The following NLGN1 variants were observed in gnomAD, a reference collection of about 807,000 sequenced individuals.
NLGN1 encodes the protein neuroligin 1.
Under a neutral mutation model 65.5 loss-of-function variants are expected in NLGN1, and 12 were observed. The ratio of observed to expected loss-of-function variants is 0.18; its 90% CI spans 0.12 to 0.30. The LOEUF (loss-of-function observed/expected upper bound fraction) is 0.30. Ranked by LOEUF, NLGN1 falls within the 10% of genes least tolerant of loss-of-function variation. The probability of loss-of-function intolerance (pLI) is 1.00; values close to 1 mark genes in which losing one functional copy is unlikely to be tolerated. For missense variants in NLGN1, 750 were observed against 1,007.1 expected (o/e 0.74, Z 3.46); for synonymous variants, 350 against 359.5 (o/e 0.97, Z 0.30).
At chr3:174,005,696 A>C (rs2152433289) in intron 4 of NLGN1, among the ~76,000 whole-genome samples, 1 of 150,526 alleles carries the variant, frequency 6.6e-6, no homozygotes, top group African/African-American at 2.4e-5. Context: ...CCTTAATTGA[A>C]CTTTTTTTTT....
At chr3:173,722,408 A>G (rs938006230) in intron 3 of NLGN1, among the ~76,000 whole-genome samples, 1 of 151,780 alleles carries the variant, frequency 6.6e-6, no homozygotes, top group Admixed American at 6.6e-5. Flanking sequence ...ACGCCCGACT[A>G]ATTTTTGTAT....
chr3:173,980,468 A>G (rs1718531574), intron 4 of NLGN1, among the ~76,000 whole-genome samples: 1 of 151,982 alleles, frequency 6.6e-6, no homozygotes, highest in African/African-American at 2.4e-5. Flanking sequence ...GATAATATAC[A>G]TGGCCATTCC....
chr3:173,528,295 T>C (rs1735996062), intron 2 of NLGN1, among the ~76,000 whole-genome samples: 1 of 152,242 alleles, frequency 6.6e-6, no homozygotes, highest in Non-Finnish European at 1.5e-5. Context: ...CAATGTCTTC[T>C]GGCTGAGATG....
chr3:173,823,929 AAAC>A (rs199826078), intron 4 of NLGN1, among the ~76,000 whole-genome samples: 98 of 151,658 alleles, frequency 6.5e-4, no homozygotes, highest in African/African-American at 2.3e-3. Context: ...TAAAAAAAAA[AAAC>A]AAATCTTTTT....
rs1021749355 is a variant in NLGN1 at position 174,281,441 on chromosome 3, G to A, written c.*138G>A. ...TGAATATACATATCAAGAACTTTGG[G>A]GGTTTTGAAAAAAATGAATTGTATA... On this transcript the variant is annotated 3_prime_UTR_variant, in exon 7 of 7. Transcript: ENST00000457714. 31 of 630,134 alleles carry A rather than the reference G, an allele frequency of 4.9e-5. 1 individual carries two copies. The highest frequency in any genetic ancestry group is 5.8e-4 in the Middle Eastern group (2 of 3,476). The allele number at this position is 630,134 out of a possible 1,614,324, so 39.0% of individuals were successfully genotyped here.
At chr3:174,080,181 C>T (rs1741851125) in intron 4 of NLGN1, among the ~76,000 whole-genome samples, 1 of 152,232 alleles carries the variant, frequency 6.6e-6, no homozygotes, top group East Asian at 1.9e-4. Context: ...AAAATATATA[C>T]CCAATGCGAT....
At chr3:174,076,718 AGAGAGAGTGTGTGTGT>A (rs1379445893) in intron 4 of NLGN1, among the ~76,000 whole-genome samples, 6 of 121,346 alleles carry the variant, frequency 4.9e-5, no homozygotes, top group Middle Eastern at 4.3e-3. Flanking sequence ...AGAGAGAGAG[AGAGAGAGTGTGTGTGT>A]GTGTGTGTGT....
chr3:173,484,280 CAAATGGATT>C (rs151034658), intron 2 of NLGN1, among the ~76,000 whole-genome samples: 4,671 of 152,076 alleles, frequency 0.031, 228 homozygotes, highest in African/African-American at 0.11. Flanking sequence ...AAATCACATC[CAAATGGATT>C]TAAGATCTGT....
At chr3:174,104,148 T>A (rs2152586556) in intron 4 of NLGN1, among the ~76,000 whole-genome samples, 1 of 152,264 alleles carries the variant, frequency 6.6e-6, no homozygotes, top group Middle Eastern at 3.4e-3. Context: ...CTTTAAGCCC[T>A]TGTTTTGTCC....
At chr3:173,994,833 G>A (rs1442202103) in intron 4 of NLGN1, among the ~76,000 whole-genome samples, 1 of 152,136 alleles carries the variant, frequency 6.6e-6, no homozygotes, top group African/African-American at 2.4e-5. Context: ...ACTACAAAGT[G>A]TAAGGCAAGA....
At chr3:174,108,865 T>A (rs1714565342) in intron 4 of NLGN1, among the ~76,000 whole-genome samples, 1 of 152,060 alleles carries the variant, frequency 6.6e-6, no homozygotes, top group African/African-American at 2.4e-5. Context: ...GATCTGCTGA[T>A]CTGCTTGCTC....
intron 4 of NLGN1, among the ~76,000 whole-genome samples, chr3:174,151,281 A>T (rs749908391): frequency 1.3e-5 from 2 of 152,102 alleles, no homozygotes; most frequent in Non-Finnish European, 2.9e-5. Flanking sequence ...TATAAAAAAG[A>T]TGTTTATTAG....
In NLGN1 at chr3:174,199,699, T is replaced by C. The variant is rs531467449; in HGVS notation, c.647-75616T>C. On this transcript the variant is annotated intron_variant, in intron 4 of 6. Coordinates refer to ENST00000457714, the Ensembl canonical transcript of NLGN1. ...GAAAGAAACTTTCTCCTCATTATCA[T>C]TTTGGTGCCATAAATTCCATTTTAC... 1.4e-4 allele frequency among the ~76,000 whole-genome samples: 22 copies of C among 152,280 alleles called. No individual in the cohort carries two copies. The South Asian group carries it at 4.6e-3, about 32-fold the overall frequency.
chr3:174,113,894 C>T (rs2152625120), intron 4 of NLGN1, among the ~76,000 whole-genome samples: 1 of 152,214 alleles, frequency 6.6e-6, no homozygotes, highest in South Asian at 2.1e-4. Flanking sequence ...TATATCAGCT[C>T]TTTTTATAGT....
rs368990199 is a variant in NLGN1, at chr3:173,800,525, T to A, written c.494-7155T>A. On this transcript the variant is annotated intron_variant, in intron 3 of 6. Transcript: ENST00000457714. ...TACAAATATAGAGTATTAATTTTTT[T>A]AAAAAATTAATATTAAGTTTTACAT... 5.3e-5 allele frequency among the ~76,000 whole-genome samples: 8 copies of A among 151,864 alleles called. No individual in the cohort carries two copies. The Middle Eastern group carries it at 0.01, about 194-fold the overall frequency.
chr3:174,228,567 C>T (rs920525810), intron 4 of NLGN1, among the ~76,000 whole-genome samples: 1 of 152,070 alleles, frequency 6.6e-6, no homozygotes, highest in Non-Finnish European at 1.5e-5. Context: ...TAGATATAGA[C>T]GCTATTCAGC....
At chr3:174,268,699 G>A (rs1329640776) in intron 4 of NLGN1, among the ~76,000 whole-genome samples, 1 of 152,012 alleles carries the variant, frequency 6.6e-6, no homozygotes, top group Non-Finnish European at 1.5e-5. Flanking sequence ...TTTGGAAACT[G>A]CAAACCAAAG....
chr3:173,546,399 G>T (rs1739845335), intron 2 of NLGN1, among the ~76,000 whole-genome samples: 1 of 152,088 alleles, frequency 6.6e-6, no homozygotes, highest in Non-Finnish European at 1.5e-5. Context: ...GTCTGTTGAG[G>T]TCCCTGATGT....
At chr3:173,481,059 A>G (rs940909268) in intron 2 of NLGN1, among the ~76,000 whole-genome samples, 1 of 152,006 alleles carries the variant, frequency 6.6e-6, no homozygotes, top group Non-Finnish European at 1.5e-5. Flanking sequence ...GACTAGTGGT[A>G]TTCTGATTTT....
Sources: gnomAD v4.1 joint callset for allele counts (sites outside exome capture counted in the v4.1 genomes callset) on GRCh38, gnomAD v4.1.1 for gene constraint, MANE v1.5 for transcripts, NCBI Gene and HGNC (gene_info 2026-07-23, HGNC 2026-07-21) for gene names.